REPS2: variants seen among roughly 807,000 people sequenced by gnomAD.
The protein encoded by REPS2 is ralBP1-associated Eps domain-containing protein 2.
REPS2 carries 23 observed loss-of-function variants against 53.6 expected under a neutral mutation model. The ratio of observed to expected loss-of-function variants is 0.43; its 90% CI spans 0.31 to 0.61. The LOEUF is 0.61. Ranked by LOEUF, REPS2 falls within the 20% of genes least tolerant of loss-of-function variation. The probability of loss-of-function intolerance (pLI) is 0.11; values close to 1 mark genes in which losing one functional copy is unlikely to be tolerated. For missense variants in REPS2, 446 were observed against 534.9 expected (o/e 0.83, Z 1.64); for synonymous variants, 238 against 218.6 (o/e 1.09, Z -0.78).
At chrX:17,108,990 A>C in intron 14 of REPS2, among the ~76,000 whole-genome samples, 1 of 109,542 alleles carries the variant, frequency 9.1e-6, no homozygotes, top group East Asian at 2.8e-4. Flanking sequence ...AAAAAACCCA[A>C]ATGCAGAGAA....
intron 5 of REPS2, 27 bp from the exon 6 acceptor site, chrX:17,047,320 C>T (rs1263050158): frequency 8.3e-7 from 1 of 1,204,669 alleles, no homozygotes; most frequent in Admixed American, 2.2e-5. Flanking sequence ...GTTCTCTGAG[C>T]ATTTACTTTT....
the REPS2 span, among the ~76,000 whole-genome samples, chrX:17,193,739 T>C: frequency 9.0e-6 from 1 of 111,400 alleles, no homozygotes; most frequent in East Asian, 2.8e-4. Flanking sequence ...ACTCCCCTGA[T>C]ACACTTGCCA....
At chrX:17,005,230 A>G (rs1327462545) in intron 1 of REPS2, among the ~76,000 whole-genome samples, 4 of 111,460 alleles carry the variant, frequency 3.6e-5, no homozygotes, top group Non-Finnish European at 5.6e-5. Flanking sequence ...GCCTATCCTT[A>G]TGCTAGGAGA....
intron 6 of REPS2, among the ~76,000 whole-genome samples, chrX:17,050,210 T>TTTTTG (rs2061981418): frequency 3.0e-5 from 1 of 33,159 alleles, no homozygotes; most frequent in Non-Finnish European, 6.0e-5. Flanking sequence ...TTTTTTTTTT[T>TTTTTG]GACAGGGTCT....
At chrX:17,100,903 A>G (rs1321607517) in intron 13 of REPS2, among the ~76,000 whole-genome samples, 1 of 111,232 alleles carries the variant, frequency 9.0e-6, no homozygotes, top group Non-Finnish European at 1.9e-5. Context: ...TGATCATGCC[A>G]CTGCACTCCA....
At chrX:17,046,596 G>C in intron 5 of REPS2, among the ~76,000 whole-genome samples, 1 of 112,007 alleles carries the variant, frequency 8.9e-6, no homozygotes, top group Non-Finnish European at 1.9e-5. Context: ...CCCTAGCATC[G>C]ACATTTCCCT....
chrX:16,960,245 T>TTGAG (rs1382955841), intron 1 of REPS2, among the ~76,000 whole-genome samples: 2 of 110,736 alleles, frequency 1.8e-5, no homozygotes, highest in Non-Finnish European at 3.8e-5. Context: ...CATGTACCTC[T>TTGAG]AGTCCCTGCT....
At chrX:16,996,001 G>A (rs2061230121) in intron 1 of REPS2, among the ~76,000 whole-genome samples, 1 of 111,378 alleles carries the variant, frequency 9.0e-6, no homozygotes, top group Non-Finnish European at 1.9e-5. Flanking sequence ...TTCCAGGTAG[G>A]AGGAAGAGAT....
chrX:17,184,432 T>G, the REPS2 span, among the ~76,000 whole-genome samples: 1 of 105,679 alleles, frequency 9.5e-6, no homozygotes, highest in Non-Finnish European at 2.0e-5. Flanking sequence ...CTATCATTGT[T>G]GGACATTTGG....
At chrX:16,966,002 C>T (rs902153171) in intron 1 of REPS2, among the ~76,000 whole-genome samples, 9 of 112,368 alleles carry the variant, frequency 8.0e-5, no homozygotes, top group African/African-American at 9.7e-5. Flanking sequence ...TGCAGGCACT[C>T]GGCAAGCTGA....
chrX:17,100,224 C>A (rs188462065), intron 13 of REPS2: 2 of 587,219 alleles, frequency 3.4e-6, no homozygotes. Flanking sequence ...TTGCCCTTTA[C>A]CAATCGACGG....
chrX:17,184,111 C>T, the REPS2 span, among the ~76,000 whole-genome samples: 1 of 108,483 alleles, frequency 9.2e-6, no homozygotes, highest in Non-Finnish European at 1.9e-5. Flanking sequence ...ATGTGACATG[C>T]TGGTGCGCTG....
chrX:17,031,634 A>G (rs1472939171), intron 5 of REPS2, among the ~76,000 whole-genome samples: 1 of 111,759 alleles, frequency 8.9e-6, no homozygotes, highest in African/African-American at 3.3e-5. Context: ...ATTACACTGT[A>G]CTTTAAGGAT....
downstream of REPS2, among the ~76,000 whole-genome samples, chrX:17,155,259 G>A (rs1316586725): frequency 1.8e-5 from 2 of 111,344 alleles, no homozygotes; most frequent in African/African-American, 6.5e-5. Flanking sequence ...CACATGGTGA[G>A]GGAGCTGAGT....
rs766098602 is a variant in REPS2 at position 17,148,933 on chromosome X, A to G, written c.*1452A>G. The G allele has an allele frequency of 1.1e-5, 4 of 375,117 alleles. No individual in the cohort carries two copies. The highest frequency in any genetic ancestry group is 2.3e-5 in the South Asian group (1 of 42,755). 30.9% of individuals were successfully genotyped at this position (375,117 alleles called of 1,213,427 possible). A position where few individuals can be genotyped will look rare whatever the true frequency, so the allele number is the denominator to read the frequency against. ...ATGTGGGATTCAGCCTTTGATTTCA[A>G]TAGAGCTGAGAGCTTTTAGAACAAG... On this transcript the variant is annotated 3_prime_UTR_variant, in exon 18 of 18. Transcript: ENST00000357277.
intron 1 of REPS2, among the ~76,000 whole-genome samples, chrX:16,991,783 A>G (rs759314760): frequency 2.7e-5 from 3 of 111,319 alleles, no homozygotes; most frequent in Non-Finnish European, 5.7e-5. Flanking sequence ...GAAGACACAG[A>G]CACACAGTGG....
At chrX:17,098,813 A>G in intron 13 of REPS2, among the ~76,000 whole-genome samples, 1 of 111,350 alleles carries the variant, frequency 9.0e-6, no homozygotes, top group Non-Finnish European at 1.9e-5. Context: ...CCCAACTAAG[A>G]GCATGGGCCC....
At chrX:17,066,935 C>T (rs1286188988) in intron 9 of REPS2, among the ~76,000 whole-genome samples, 3 of 112,057 alleles carry the variant, frequency 2.7e-5, no homozygotes, top group African/African-American at 9.7e-5. Flanking sequence ...CTGAGTAATA[C>T]TTCAGTCTCT....
intron 14 of REPS2, among the ~76,000 whole-genome samples, chrX:17,126,288 G>A (rs2063209771): frequency 9.0e-6 from 1 of 111,119 alleles, no homozygotes; most frequent in Non-Finnish European, 1.9e-5. Flanking sequence ...AGAGGGGAGG[G>A]GAGTGCAACA....
Sources: allele counts gnomAD v4.1 joint callset (sites outside exome capture counted in the v4.1 genomes callset), GRCh38; gene constraint gnomAD v4.1.1; transcripts MANE v1.5; gene names NCBI Gene and HGNC (gene_info 2026-07-23, HGNC 2026-07-21).